DENND2D: variants seen among roughly 807,000 people sequenced by gnomAD.
The protein encoded by DENND2D is DENN domain containing 2D.
DENND2D carries 37 observed loss-of-function variants against 59.8 expected under a neutral mutation model. That is an observed-to-expected ratio of 0.62 (90% CI 0.48 to 0.81). The LOEUF (loss-of-function observed/expected upper bound fraction) is 0.81. Among genes scored for constraint, DENND2D ranks in the 40% least tolerant of loss-of-function variants. DENND2D has a pLI of 0.00. For synonymous variants in DENND2D, 219 were observed against 211.3 expected, an observed-to-expected ratio of 1.04 and a Z score of -0.31; for missense variants, 525 against 579.7, an observed-to-expected ratio of 0.91 and a Z score of 0.97.
At position 111,186,442 on chromosome 1, in the gene DENND2D, G is replaced by A. The variant is rs1215102298; in HGVS notation, c.*1163C>T. 6.6e-6 allele frequency among the ~76,000 whole-genome samples: 1 copy of A among 152,140 alleles called. No individual in the cohort carries two copies. The highest frequency in any genetic ancestry group is 2.4e-5 in the African/African-American group (1 of 41,414). ...CATTGGCTTGAACTTCAGTATGCCC[G>A]GTTCCACCCTCCAGAAACTTTTGTG... On this transcript the variant is annotated 3_prime_UTR_variant, in exon 12 of 12. Transcript: ENST00000357640.
At chr1:111,189,089 T>C in intron 9 of DENND2D, 123 bp downstream of exon 9, 1 of 1,192,412 alleles carries the variant, frequency 8.4e-7, no homozygotes, top group East Asian at 2.3e-5. Flanking sequence ...GATGTGGTCT[T>C]TTTAGCACAG....
At chr1:111,188,508 A>G in intron 10 of DENND2D, 138 bp from the exon 11 acceptor site, 1 of 1,340,508 alleles carries the variant, frequency 7.5e-7, no homozygotes, top group Non-Finnish European at 1.0e-6. Context: ...ACTGACTGAG[A>G]TGGGAATCTG....
chr1:111,197,189 C>T lies in DENND2D; in HGVS notation c.491G>A (p.Gly164Asp). The change falls in exon 5 of 12, where the codon GGC (glycine) becomes GAC (aspartate). Residue 164 changes from glycine to aspartate, a missense_variant. Gly to Asp is a moderately conservative substitution (Grantham distance 94). This residue lies in a region of DENND2D where 253 missense variants were observed against 246.4 expected (regional missense o/e 1.03). Coordinates refer to ENST00000357640, the MANE Select transcript of DENND2D (RefSeq NM_024901.5). ...TCCTATCCCTACCTTGGAGAACAAG[C>T]CGAAGCAGCCGATGCAGCTGATGAT... is the stretch of plus-strand genomic sequence containing the variant. ...YCIISCIGCF[G>D]LFSKILDEVE... 5 of 1,613,478 alleles carry T rather than the reference C, an allele frequency of 3.1e-6. No homozygotes were observed. The highest frequency in any genetic ancestry group is 4.2e-6 in the Non-Finnish European group (5 of 1,179,856).
In DENND2D at chr1:111,196,450, A is replaced by G. The variant is rs1658236160; in HGVS notation, c.505-394T>C. 4 of 168,034 alleles carry G rather than the reference A, an allele frequency of 2.4e-5. No individual in the cohort carries two copies. The South Asian group carries it at 5.5e-4, about 23-fold the overall frequency. 10.4% of individuals were successfully genotyped at this position (168,034 alleles called of 1,614,324 possible). A position where few individuals can be genotyped will look rare whatever the true frequency, so the allele number is the denominator to read the frequency against. Reference sequence around the variant, plus strand: ...AGGCTAGAAGGCTAAGCCTCTTGGTACCACTCTGTCCTCCAACTCCCACTG... The same window carrying G: ...AGGCTAGAAGGCTAAGCCTCTTGGTGCCACTCTGTCCTCCAACTCCCACTG... On this transcript the variant is annotated intron_variant, in intron 5 of 11. Coordinates refer to ENST00000357640, the MANE Select transcript of DENND2D (RefSeq NM_024901.5).
Position 111,187,522 on chromosome 1 carries a change from A to C in DENND2D, c.*83T>G, listed in dbSNP as rs1657328305. 3 of 1,165,622 alleles carry C rather than the reference A, an allele frequency of 2.6e-6. No homozygotes were observed. The highest frequency in any genetic ancestry group is 3.8e-6 in the Non-Finnish European group (3 of 782,214). The allele number at this position is 1,165,622 out of a possible 1,614,324, so 72.2% of individuals were successfully genotyped here. A position where few individuals can be genotyped will look rare whatever the true frequency, so the allele number is the denominator to read the frequency against. On this transcript the variant is annotated 3_prime_UTR_variant, in exon 12 of 12. Transcript: ENST00000357640. The stretch of plus-strand genomic sequence containing the variant: ...GAGGATATGGATTTTGGGAGCTGAC[A>C]GTTTTGCTGATCCTGCCACACTGGC...
intron 7 of DENND2D, among the ~76,000 whole-genome samples, chr1:111,193,431 G>A (rs1657953629): frequency 6.6e-6 from 1 of 152,148 alleles, no homozygotes. Flanking sequence ...TAGCCACACA[G>A]GAATTTCTGG....
upstream of DENND2D, chr1:111,204,333 G>A: frequency 1.4e-6 from 2 of 1,481,022 alleles, no homozygotes; most frequent in Non-Finnish European, 8.9e-7. Flanking sequence ...TGGCTCGAAG[G>A]CGGCGGCCGA....
chr1:111,196,827 TCACGC>T, intron 5 of DENND2D: 1 of 272,216 alleles, frequency 3.7e-6, no homozygotes, highest in Non-Finnish European at 7.3e-6. Flanking sequence ...CATTTAAGCC[TCACGC>T]CACCCAGTGA....
At chr1:111,203,521 A>G (rs1659007110), upstream of DENND2D, among the ~76,000 whole-genome samples, 1 of 152,264 alleles carries the variant, frequency 6.6e-6, no homozygotes, top group East Asian at 1.9e-4. Context: ...TAAATGAATG[A>G]ATTTCTAACT....
At chr1:111,187,746 G>T in intron 11 of DENND2D, 65 bp from the exon 12 acceptor site, 1 of 1,297,332 alleles carries the variant, frequency 7.7e-7, no homozygotes. Flanking sequence ...ATGAGCTCAG[G>T]AATAAGGATC....
At position 111,194,863 on chromosome 1, in the gene DENND2D, A is replaced by T. The variant is rs571281754; in HGVS notation, c.646-137T>A. On this transcript the variant is annotated intron_variant, in intron 6 of 11. Coordinates refer to ENST00000357640, the MANE Select transcript of DENND2D (RefSeq NM_024901.5). Reference sequence around the variant, plus strand: ...GGCCCTGTCTCTCTGTCCCCCTGCTAATTGGCTGGAGGACAGCACTGATGT... The same window carrying T: ...GGCCCTGTCTCTCTGTCCCCCTGCTTATTGGCTGGAGGACAGCACTGATGT... 5.2e-6 allele frequency: 5 copies of T among 956,840 alleles called. No homozygotes were observed. In the East Asian group the frequency reaches 1.3e-4, roughly 24 times the overall value. 59.3% of individuals were successfully genotyped at this position (956,840 alleles called of 1,614,324 possible).
At chr1:111,193,474 T>A (rs1242835923) in intron 7 of DENND2D, among the ~76,000 whole-genome samples, 1 of 152,196 alleles carries the variant, frequency 6.6e-6, no homozygotes, top group Non-Finnish European at 1.5e-5. Context: ...AAAGAGCTAT[T>A]TCCAAAGCAA....
chr1:111,188,349 T>C lies in DENND2D; in HGVS notation c.1121A>G (p.His374Arg). ...ELKTAEQINE[H>R]VSGPFVQFFV... The stretch of plus-strand genomic sequence containing the variant: ...GAACTGCACAAAGGGGCCTGAAACA[T>C]GCTCGTTGATTTGTTCTGCAGCTGC... Residue 374 changes from histidine (H) to arginine (R), a missense_variant, in exon 11 of 12, where the codon CAT becomes CGT. By Grantham distance (29) the His-to-Arg change is conservative (BLOSUM62 0). Transcript: ENST00000357640. 1 of 1,613,828 alleles carries C rather than the reference T, an allele frequency of 6.2e-7. No individual in the cohort carries two copies. Among genetic ancestry groups the C allele is most frequent in the Non-Finnish European group, 8.5e-7 (1 of 1,179,968 alleles).
In DENND2D at chr1:111,192,294, G is replaced by A. The variant is rs376513608; in HGVS notation, c.818C>T (p.Ala273Val). The A allele has an allele frequency of 1.1e-5, 17 of 1,608,802 alleles. No homozygotes were observed. Among genetic ancestry groups the A allele is most frequent in the Non-Finnish European group, 1.4e-5 (17 of 1,176,630 alleles). The change falls in exon 8 of 12, where the codon GCT becomes GTT. Residue 273 changes from alanine to valine, a missense_variant. Around this residue, in one of 3 missense-constraint regions of DENND2D, gnomAD observed 225 missense variants for 252.4 expected, o/e 0.89. Transcript: ENST00000357640. The stretch of plus-strand genomic sequence containing the variant: ...GAAGGGGTAGAGCAGTGCGGCAGCA[G>A]CATGGATGCACTGAGACAAGGTGCT... ...GLSTLSQCIH[A>V]AAALLYPFSW... is the part of the protein sequence containing the mutation.
chr1:111,196,179 CT>C, intron 5 of DENND2D, 123 bp from the exon 6 acceptor site: 1 of 1,255,720 alleles, frequency 8.0e-7, no homozygotes, highest in Non-Finnish European at 1.1e-6. Flanking sequence ...CCTCATGTAT[CT>C]TCTAGGGCCC....
chr1:111,196,875 C>T (rs544255809), intron 5 of DENND2D: 17 of 366,896 alleles, frequency 4.6e-5, no homozygotes, highest in African/African-American at 6.1e-5. Flanking sequence ...ATCCATTCGA[C>T]GGATGAGGAA....
Position 111,198,934 on chromosome 1 carries a change from C to T in DENND2D, c.244-192G>A, listed in dbSNP as rs1658524464. On this transcript the variant is annotated intron_variant, in intron 2 of 11. Transcript: ENST00000357640. ...TGCATTCTGGGTCCAGTTGGAACAACTCCAAAGCTGAAACAGCCCCTCCTG... is the reference window on the plus strand; with the variant it reads ...TGCATTCTGGGTCCAGTTGGAACAATTCCAAAGCTGAAACAGCCCCTCCTG... Among the ~76,000 whole-genome samples the T allele has an allele frequency of 4.6e-5, 7 of 152,330 alleles. No homozygotes were observed. In the South Asian group the frequency reaches 1.4e-3, roughly 32 times the overall value.
In DENND2D at chr1:111,198,813, T is replaced by C. The variant is rs1463184395; in HGVS notation, c.244-71A>G. ...AGATAGCAGGAGACAGCTTCAGAGC[T>C]GGTGGGCTTCCTTTGAGGCTCTAAA... On this transcript the variant is annotated intron_variant, in intron 2 of 11. Coordinates refer to ENST00000357640, the MANE Select transcript of DENND2D (RefSeq NM_024901.5). 7 of 1,528,440 alleles carry C rather than the reference T, an allele frequency of 4.6e-6. No homozygotes were observed. In the South Asian group the frequency reaches 5.7e-5, roughly 12 times the overall value. 94.7% of individuals were successfully genotyped at this position (1,528,440 alleles called of 1,614,324 possible). A position where few individuals can be genotyped will look rare whatever the true frequency, so the allele number is the denominator to read the frequency against.
chr1:111,200,068 G>GTTGTTTA, intron 1 of DENND2D: 1 of 581,930 alleles, frequency 1.7e-6, no homozygotes, highest in Non-Finnish European at 3.0e-6. Flanking sequence ...AGGCCACATG[G>GTTGTTTA]AGGCCAAGGC....
Sources: gnomAD v4.1 joint callset for allele counts (sites outside exome capture counted in the v4.1 genomes callset) on GRCh38, gnomAD v4.1.1 for gene constraint, gnomAD v4.1.1 regional missense constraint, MANE v1.5 for transcripts, NCBI Gene and HGNC (gene_info 2026-07-23, HGNC 2026-07-21) for gene names.